The following CEACAM5 variants were observed in gnomAD, a reference collection of about 807,000 sequenced individuals.
The protein encoded by CEACAM5 is CEA cell adhesion molecule 5, also known as cell adhesion molecule CEACAM5.
Under a neutral mutation model 63.0 loss-of-function variants are expected in CEACAM5, and 52 were observed. That is an observed-to-expected ratio of 0.83 (90% CI 0.66 to 1.04). The LOEUF (loss-of-function observed/expected upper bound fraction) is 1.04, where lower values mean the gene tolerates loss of function less well. CEACAM5 is among the 50% of genes least tolerant of loss of function. The pLI is 0.00. For missense variants in CEACAM5, 790 were observed against 864.8 expected, an observed-to-expected ratio of 0.91 and a Z score of 1.08; for synonymous variants, 357 against 351.3, an observed-to-expected ratio of 1.02 and a Z score of -0.18.
intron 3 of CEACAM5, 106 bp from the exon 4 acceptor site, chr19:41,715,542 CTT>C: frequency 6.9e-7 from 1 of 1,443,820 alleles, no homozygotes; most frequent in Non-Finnish European, 9.6e-7. Flanking sequence ...TTGGCTGAGA[CTT>C]TAGGATTGTG....
chr19:41,712,177 C>T (rs2072446720), intron 2 of CEACAM5, among the ~76,000 whole-genome samples: 1 of 152,236 alleles, frequency 6.6e-6, no homozygotes, highest in Non-Finnish European at 1.5e-5. Flanking sequence ...ACTACCCACT[C>T]CATCTTCATC....
chr19:41,727,393 T>C, intron 9 of CEACAM5, 41 bp downstream of exon 9: 2 of 993,264 alleles, frequency 2.0e-6, no homozygotes, highest in Admixed American at 3.9e-5. Flanking sequence ...TTTCCTGCAG[T>C]GCTGACTGCC....
At chr19:41,709,158 C>T (rs1184885580) in intron 1 of CEACAM5, among the ~76,000 whole-genome samples, 2 of 152,262 alleles carry the variant, frequency 1.3e-5, no homozygotes, top group Admixed American at 6.5e-5. Flanking sequence ...TGGGAACCCT[C>T]ATGAACTCAT....
Position 41,721,100 on chromosome 19 carries a change from C to T in CEACAM5, c.1950C>T (p.Asn650=), listed in dbSNP as rs565105444. The T allele has an allele frequency of 4.2e-5, 67 of 1,614,176 alleles. No homozygotes were observed. Among genetic ancestry groups the T allele is most frequent in the East Asian group, 6.7e-5 (3 of 44,880 alleles). The part of the protein sequence containing the change: ...LFIAKITPNN[N]GTYACFVSNL... ...TCGCCAAAATCACGCCAAATAATAA[C>T]GGGACCTATGCCTGTTTTGTCTCTA... Residue 650 remains asparagine, a synonymous_variant, in exon 8 of 10, where the codon AAC becomes AAT. Coordinates refer to ENST00000221992, the MANE Select transcript of CEACAM5 (RefSeq NM_004363.6).
At position 41,720,090 on chromosome 19, in the gene CEACAM5, TG is replaced by T; in HGVS notation, c.1655del (p.Gly552AlafsTer26). 1 of 1,614,216 alleles carries T rather than the reference TG, an allele frequency of 6.2e-7. No homozygotes were observed. The highest frequency in any genetic ancestry group is 1.1e-5 in the South Asian group (1 of 91,090). On this transcript the variant is annotated frameshift_variant, in exon 7 of 10. Transcript: ENST00000221992. LOFTEE classifies it high-confidence loss of function. ...TCAGTCCCAGGCTGCAGCTGTCCAATGGCAACAGGACCCTCACTCTATTCAA... is the reference window on the plus strand; with the variant it reads ...TCAGTCCCAGGCTGCAGCTGTCCAATGCAACAGGACCCTCACTCTATTCAA... ...PVSPRLQLSN[G>X]NRTLTLFNVT...
chr19:41,717,846 CATCCAGGCTGGCCCTACCCCCAGCAA>C, intron 5 of CEACAM5, 113 bp downstream of exon 5: 1 of 1,365,168 alleles, frequency 7.3e-7, no homozygotes. Context: ...TACCCCTGGA[CATCCAGGCTGGCCCTACCCCCAGCAA>C]ATCCATGCAG....
rs1412979750 is a variant in CEACAM5 at position 41,729,228 on chromosome 19, T to C, written c.*81T>C. ...CTTAAAGCATTTGCAACAGCTACAG[T>C]CTAAAATTGCTTCTTTACCAAGGAT... On this transcript the variant is annotated 3_prime_UTR_variant, in exon 10 of 10. Transcript: ENST00000221992. 1 of 152,160 alleles carries C rather than the reference T, an allele frequency of 6.6e-6. No individual in the cohort carries two copies. The highest frequency in any genetic ancestry group is 1.5e-5 in the Non-Finnish European group (1 of 68,038). 9.4% of individuals were successfully genotyped at this position (152,160 alleles called of 1,614,324 possible). A position where few individuals can be genotyped will look rare whatever the true frequency, so the allele number is the denominator to read the frequency against.
chr19:41,717,593 G>T lies in CEACAM5; in HGVS notation c.1097G>T (p.Ser366Ile). 6.2e-7 allele frequency: 1 copy of T among 1,614,218 alleles called. No homozygotes were observed. The highest frequency in any genetic ancestry group is 8.5e-7 in the Non-Finnish European group (1 of 1,180,052). ...WWVNNQSLPV[S>I]PRLQLSNDNR... The stretch of plus-strand genomic sequence containing the variant: ...GTAAATAATCAGAGCCTCCCGGTCA[G>T]TCCCAGGCTGCAGCTGTCCAATGAC... Residue 366 changes from serine to isoleucine, a missense_variant, in exon 5 of 10, where the codon AGT becomes ATT. By Grantham distance (142) the Ser-to-Ile change is moderately radical (BLOSUM62 -2). Transcript: ENST00000221992.
chr19:41,715,677 CT>C lies in CEACAM5; in HGVS notation c.732del (p.Leu245Ter), dbSNP rs781919056. 14 of 1,614,232 alleles carry C rather than the reference CT, an allele frequency of 8.7e-6. No homozygotes were observed. The Admixed American group carries it at 1.7e-4, about 19-fold the overall frequency. On this transcript the variant is annotated frameshift_variant, in exon 4 of 10. Coordinates refer to ENST00000221992, the MANE Select transcript of CEACAM5 (RefSeq NM_004363.6). LOFTEE classifies it high-confidence loss of function. ...GGCCCGGATGCCCCCACCATTTCCC[CT>C]CTAAACACATCTTACAGATCAGGGG... ...LYGPDAPTISPLNTSYRSGEN... is the reference protein window; with the variant it reads ...LYGPDAPTISXLNTSYRSGEN...
At position 41,715,918 on chromosome 19, in the gene CEACAM5, C is replaced by T. The variant is rs200221825; in HGVS notation, c.958+14C>T. ...TCACAGTCTATGGTAAGTGGATCCACGAAGCACTGACATCATGTTTTGAGG... is the reference window on the plus strand; with the variant it reads ...TCACAGTCTATGGTAAGTGGATCCATGAAGCACTGACATCATGTTTTGAGG... On this transcript the variant is annotated intron_variant, in intron 4 of 9. Transcript: ENST00000221992. 7.5e-6 allele frequency: 12 copies of T among 1,609,924 alleles called. No homozygotes were observed. Among genetic ancestry groups the T allele is most frequent in the East Asian group, 6.7e-5 (3 of 44,816 alleles).
At chr19:41,727,867 A>G (rs1398173676) in intron 9 of CEACAM5, among the ~76,000 whole-genome samples, 1 of 151,998 alleles carries the variant, frequency 6.6e-6, no homozygotes, top group Non-Finnish European at 1.5e-5. Flanking sequence ...ACTCCCTTAT[A>G]TAATTCCATC....
Position 41,708,626 on chromosome 19 carries a change from AGAGG to A in CEACAM5, c.-101_-98del. 1.0e-6 allele frequency: 1 copy of A among 965,518 alleles called. No homozygotes were observed. Among genetic ancestry groups the A allele is most frequent in the Non-Finnish European group, 1.6e-6 (1 of 612,048 alleles). 59.8% of individuals were successfully genotyped at this position (965,518 alleles called of 1,614,324 possible). ...CCTGCCCTAGGAAGAGACTCAGGGCAGAGGGAGGAAGGACAGCAGACCAGACAGT... is the reference window on the plus strand; with the variant it reads ...CCTGCCCTAGGAAGAGACTCAGGGCAGAGGAAGGACAGCAGACCAGACAGT... On this transcript the variant is annotated 5_prime_UTR_variant, in exon 1 of 10. Transcript: ENST00000221992.
intron 4 of CEACAM5, 62 bp from the exon 5 acceptor site, chr19:41,717,393 A>G: frequency 1.9e-6 from 3 of 1,549,708 alleles, no homozygotes; most frequent in African/African-American, 1.4e-5. Context: ...TCTGATTGAT[A>G]GATGCCCGTG....
chr19:41,712,991 A>G (rs2072460040), intron 2 of CEACAM5, among the ~76,000 whole-genome samples: 1 of 152,212 alleles, frequency 6.6e-6, no homozygotes, highest in African/African-American at 2.4e-5. Context: ...TTTTTTGACC[A>G]CTGACATGAT....
Position 41,715,032 on chromosome 19 carries a change from T to C in CEACAM5, c.486T>C (p.Ala162=). ...NNSKPVEDKD[A]VAFTCEPETQ... is the part of the protein sequence containing the mutation. ...CCAAACCCGTGGAGGACAAGGATGC[T>C]GTGGCCTTCACCTGTGAACCTGAGA... The change falls in exon 3 of 10, where the codon GCT becomes GCC. Residue 162 remains alanine (A), a synonymous_variant. Transcript: ENST00000221992. The C allele has an allele frequency of 6.2e-7, 1 of 1,614,218 alleles. No homozygotes were observed. The highest frequency in any genetic ancestry group is 8.5e-7 in the Non-Finnish European group (1 of 1,180,028).
rs540837399 is a variant in CEACAM5, at chr19:41,719,979, G to A, written c.1542G>A (p.Glu514=). ...SISSNNSKPV[E]DKDAVAFTCE... is the part of the protein sequence containing the mutation. Reference sequence around the variant, plus strand: ...CCAGCAACAACTCCAAACCCGTGGAGGACAAGGATGCTGTGGCCTTCACCT... The same window carrying A: ...CCAGCAACAACTCCAAACCCGTGGAAGACAAGGATGCTGTGGCCTTCACCT... Residue 514 remains glutamate, a synonymous_variant, in exon 7 of 10, where the codon GAG becomes GAA. Coordinates refer to ENST00000221992, the MANE Select transcript of CEACAM5 (RefSeq NM_004363.6). 2.5e-6 allele frequency: 4 copies of A among 1,614,236 alleles called. No homozygotes were observed. The highest frequency in any genetic ancestry group is 3.3e-5 in the Admixed American group (2 of 60,030).
At chr19:41,713,034 C>T (rs782082704) in intron 2 of CEACAM5, among the ~76,000 whole-genome samples, 14 of 152,300 alleles carry the variant, frequency 9.2e-5, no homozygotes, top group African/African-American at 1.9e-4. Context: ...AGGCCGGGCA[C>T]GGTGGCTCAT....
chr19:41,717,036 T>C (rs1275482909), intron 4 of CEACAM5, among the ~76,000 whole-genome samples: 1 of 152,164 alleles, frequency 6.6e-6, no homozygotes, highest in Non-Finnish European at 1.5e-5. Context: ...TGTCCTTAAA[T>C]AGCAAAGCCT....
chr19:41,711,013 T>C (rs184685631), intron 2 of CEACAM5, among the ~76,000 whole-genome samples: 23 of 152,274 alleles, frequency 1.5e-4, no homozygotes, highest in African/African-American at 5.5e-4. Context: ...ACATGAGGTC[T>C]GTCTGTAGCC....
Sources: allele counts gnomAD v4.1 joint callset (sites outside exome capture counted in the v4.1 genomes callset), GRCh38; gene constraint gnomAD v4.1.1; transcripts MANE v1.5; gene names NCBI Gene and HGNC (gene_info 2026-07-23, HGNC 2026-07-21).